CADM2: variants seen among roughly 807,000 people sequenced by gnomAD.
CADM2 encodes cell adhesion molecule 2.
In CADM2, 12 loss-of-function variants were observed where a neutral mutation model predicts 49.8. The observed-to-expected ratio is 0.24, with a 90% CI of 0.15 to 0.39. CADM2 has a LOEUF of 0.39. Ranked by LOEUF, CADM2 falls within the 10% of genes least tolerant of loss-of-function variation. The pLI is 1.00. For missense variants in CADM2, 378 were observed against 492.3 expected (o/e 0.77, Z 2.20); for synonymous variants, 214 against 175.4 (o/e 1.22, Z -1.74).
At chr3:85,196,288 A>G (rs948417618) in intron 1 of CADM2, among the ~76,000 whole-genome samples, 29 of 151,996 alleles carry the variant, frequency 1.9e-4, no homozygotes, top group African/African-American at 5.8e-4. Flanking sequence ...ACAAGGTTTT[A>G]TTTTGTGTTA....
intron 3 of CADM2, among the ~76,000 whole-genome samples, chr3:85,810,954 C>T (rs1361586529): frequency 2.0e-5 from 3 of 152,132 alleles, no homozygotes. Context: ...ACTACATTTA[C>T]TTCTTTAGGC....
intron 2 of CADM2, among the ~76,000 whole-genome samples, chr3:85,736,757 A>C (rs1292396630): frequency 1.3e-5 from 2 of 152,152 alleles, no homozygotes; most frequent in African/African-American, 4.8e-5. Flanking sequence ...ATATTCTTAC[A>C]TTCACACTTT....
intron 1 of CADM2, among the ~76,000 whole-genome samples, chr3:84,978,564 G>A (rs2031972904): frequency 6.6e-6 from 1 of 152,070 alleles, no homozygotes; most frequent in South Asian, 2.1e-4. Context: ...TATGGCATAA[G>A]ACTTAAAGCA....
chr3:85,969,178 C>T lies in CADM2; in HGVS notation c.970+7531C>T, dbSNP rs557044159. On this transcript the variant is annotated intron_variant, in intron 8 of 9. Coordinates refer to ENST00000383699, the MANE Select transcript of CADM2 (RefSeq NM_001167675.2). ...TGCATATCTCTTCATGTCGTTTCCC[C>T]ATTTAAACTTATACAAAGGCATTTC... Among the ~76,000 whole-genome samples, 9 of 151,638 alleles carry T rather than the reference C, an allele frequency of 5.9e-5. 1 individual carries two copies. The highest frequency in any genetic ancestry group is 2.2e-4 in the African/African-American group (9 of 41,452).
intron 1 of CADM2, among the ~76,000 whole-genome samples, chr3:85,623,947 T>A (rs1267781170): frequency 6.6e-6 from 1 of 152,184 alleles, no homozygotes; most frequent in Non-Finnish European, 1.5e-5. Flanking sequence ...ATTGCTTTAT[T>A]TTGATACTGG....
chr3:85,454,309 C>T (rs935582134), intron 1 of CADM2, among the ~76,000 whole-genome samples: 1 of 151,880 alleles, frequency 6.6e-6, no homozygotes, highest in Non-Finnish European at 1.5e-5. Context: ...CTAGCCTGGG[C>T]AACAGAGTGA....
intron 3 of CADM2, among the ~76,000 whole-genome samples, chr3:85,803,444 T>C (rs2072183934): frequency 6.6e-6 from 1 of 151,842 alleles, no homozygotes; most frequent in Non-Finnish European, 1.5e-5. Flanking sequence ...ATAAAGGAAC[T>C]GTTAGGGGCC....
chr3:85,453,959 A>G (rs928459763), intron 1 of CADM2, among the ~76,000 whole-genome samples: 2 of 152,208 alleles, frequency 1.3e-5, no homozygotes, highest in Non-Finnish European at 2.9e-5. Context: ...AAAAACTACC[A>G]CATGTAGTAA....
At chr3:85,347,222 A>C (rs7615278) in intron 1 of CADM2, among the ~76,000 whole-genome samples, 22 of 105,872 alleles carry the variant, frequency 2.1e-4, no homozygotes, top group Admixed American at 1.4e-3. Flanking sequence ...ACTCTGTCTC[A>C]CAAAAAAAAA....
At position 85,199,844 on chromosome 3, in the gene CADM2, A is replaced by G. The variant is rs189136301; in HGVS notation, c.61+240176A>G. ...ATAAACACATTGAAATTTTGGAGAAAGATGTAACTGACTCTGAAAGAATCA... is the reference window on the plus strand; with the variant it reads ...ATAAACACATTGAAATTTTGGAGAAGGATGTAACTGACTCTGAAAGAATCA... On this transcript the variant is annotated intron_variant, in intron 1 of 9. Transcript: ENST00000383699. Among the ~76,000 whole-genome samples, 17 of 152,180 alleles carry G rather than the reference A, an allele frequency of 1.1e-4. 1 individual carries two copies. The East Asian group carries it at 3.3e-3, about 29-fold the overall frequency.
intron 7 of CADM2, among the ~76,000 whole-genome samples, chr3:85,951,857 G>A (rs1312719817): frequency 6.6e-6 from 1 of 150,830 alleles, no homozygotes; most frequent in African/African-American, 2.4e-5. Flanking sequence ...GGGTTCATTA[G>A]AGCTGGGAAT....
At chr3:86,039,818 T>C (rs569301885) in intron 8 of CADM2, among the ~76,000 whole-genome samples, 12 of 145,726 alleles carry the variant, frequency 8.2e-5, no homozygotes, top group African/African-American at 3.1e-4. Flanking sequence ...AGTAGCCTAA[T>C]TGGGAGGCAC....
At chr3:85,447,023 T>C (rs978603248) in intron 1 of CADM2, among the ~76,000 whole-genome samples, 9 of 139,566 alleles carry the variant, frequency 6.4e-5, no homozygotes, top group African/African-American at 2.5e-4. Context: ...TATATATATA[T>C]ATATATATGC....
chr3:85,395,327 AG>A (rs2034729318), intron 1 of CADM2, among the ~76,000 whole-genome samples: 1 of 151,190 alleles, frequency 6.6e-6, no homozygotes, highest in Non-Finnish European at 1.5e-5. Context: ...GGAAAGAAAA[AG>A]AAGGGGTATA....
intron 2 of CADM2, among the ~76,000 whole-genome samples, chr3:85,791,904 T>C (rs2071360501): frequency 6.6e-6 from 1 of 152,098 alleles, no homozygotes; most frequent in Non-Finnish European, 1.5e-5. Flanking sequence ...TTCTACTTTT[T>C]AGTAGATACA....
chr3:85,541,778 TA>T (rs1173886471), intron 1 of CADM2, among the ~76,000 whole-genome samples: 1 of 21,628 alleles, frequency 4.6e-5, no homozygotes, highest in African/African-American at 1.9e-4. Flanking sequence ...TTATATTTTA[TA>T]TATATATATA....
intron 1 of CADM2, among the ~76,000 whole-genome samples, chr3:85,361,236 G>T (rs139200221): frequency 0.011 from 1,672 of 152,284 alleles, 16 homozygotes; most frequent in Non-Finnish European, 0.016. Flanking sequence ...GGGGGCAGAG[G>T]CAGCAGCGAG....
intron 1 of CADM2, among the ~76,000 whole-genome samples, chr3:85,303,792 C>T (rs889876177): frequency 1.8e-4 from 27 of 151,810 alleles, no homozygotes; most frequent in Admixed American, 4.6e-4. Flanking sequence ...TGCCAAAAAA[C>T]ATTAAATTCG....
chr3:85,897,983 G>C (rs1715479511), intron 5 of CADM2, among the ~76,000 whole-genome samples: 1 of 151,950 alleles, frequency 6.6e-6, no homozygotes, highest in African/African-American at 2.4e-5. Context: ...TTACTGCTTT[G>C]AAAGTGGCCT....
Sources: gnomAD v4.1 joint callset for allele counts (sites outside exome capture counted in the v4.1 genomes callset) on GRCh38, gnomAD v4.1.1 for gene constraint, MANE v1.5 for transcripts, NCBI Gene and HGNC (gene_info 2026-07-23, HGNC 2026-07-21) for gene names.